Variants in SGCZ observed in about 807,000 individuals in gnomAD.
The protein encoded by SGCZ is sarcoglycan zeta, also known as zeta-sarcoglycan.
SGCZ carries 40 observed loss-of-function variants against 41.3 expected under a neutral mutation model. That is an observed-to-expected ratio of 0.97 (90% CI 0.75 to 1.26). The LOEUF (loss-of-function observed/expected upper bound fraction) is 1.26. Ranked by LOEUF, SGCZ falls within the 50% of genes most tolerant of loss-of-function variation. The pLI, the probability that SGCZ is intolerant of heterozygous loss-of-function variation, is 0.00. For missense variants in SGCZ, 552 were observed against 369.8 expected (o/e 1.49, Z -4.04); for synonymous variants, 206 against 137.5 (o/e 1.50, Z -3.49).
intron 5 of SGCZ, among the ~76,000 whole-genome samples, chr8:14,114,363 G>A (rs1462095417): frequency 1.3e-5 from 2 of 151,918 alleles, no homozygotes; most frequent in Admixed American, 6.6e-5. Context: ...CTGTTATTAT[G>A]AGCATAGCCA....
chr8:14,435,115 G>C (rs749529855), intron 2 of SGCZ, among the ~76,000 whole-genome samples: 1 of 152,094 alleles, frequency 6.6e-6, no homozygotes, highest in Non-Finnish European at 1.5e-5. Context: ...ATTAATAAAA[G>C]CGTGATATTT....
intron 1 of SGCZ, among the ~76,000 whole-genome samples, chr8:14,558,446 GTGCCT>G (rs1804099298): frequency 6.6e-6 from 1 of 151,938 alleles, no homozygotes; most frequent in Non-Finnish European, 1.5e-5. Flanking sequence ...GTGGTGGTGG[GTGCCT>G]ATAATCTTAG....
chr8:14,714,035 T>G (rs1326335848), intron 1 of SGCZ, among the ~76,000 whole-genome samples: 1 of 152,184 alleles, frequency 6.6e-6, no homozygotes, highest in Non-Finnish European at 1.5e-5. Context: ...TGGTGCGATC[T>G]CAGCTCACTA....
At position 14,088,535 on chromosome 8, in the gene SGCZ, C is replaced by T. The variant is rs1165433195; in HGVS notation, c.*1908G>A. 2.0e-5 allele frequency among the ~76,000 whole-genome samples: 3 copies of T among 151,648 alleles called. No individual in the cohort carries two copies. Among genetic ancestry groups the T allele is most frequent in the African/African-American group, 7.3e-5 (3 of 41,358 alleles). ...TTTTGCAAAGACCAATGTGAGATTT[C>T]TTATATTAAATTCTCTTATTTTAAT... On this transcript the variant is annotated 3_prime_UTR_variant, in exon 8 of 8. Transcript: ENST00000382080.
chr8:14,311,871 T>A (rs1339050842), intron 3 of SGCZ, among the ~76,000 whole-genome samples: 1 of 152,160 alleles, frequency 6.6e-6, no homozygotes, highest in Non-Finnish European at 1.5e-5. Context: ...TAAGAGGCAG[T>A]GTTGTATGAA....
intron 2 of SGCZ, among the ~76,000 whole-genome samples, chr8:14,362,284 G>A (rs982668657): frequency 3.9e-5 from 6 of 152,200 alleles, no homozygotes; most frequent in Admixed American, 3.3e-4. Context: ...GCCCCCGGAG[G>A]TGGAATCTAG....
At chr8:14,274,236 A>G (rs1005132418) in intron 3 of SGCZ, among the ~76,000 whole-genome samples, 1 of 152,168 alleles carries the variant, frequency 6.6e-6, no homozygotes, top group African/African-American at 2.4e-5. Context: ...AAAATAAAGC[A>G]TTGAACTTAA....
chr8:15,120,370 A>AT (rs1585584272), intron 1 of SGCZ, among the ~76,000 whole-genome samples: 1 of 152,170 alleles, frequency 6.6e-6, no homozygotes, highest in Non-Finnish European at 1.5e-5. Flanking sequence ...TACAGGTAGT[A>AT]TTTTCCCCCA....
chr8:15,018,555 G>A (rs554039667), intron 1 of SGCZ, among the ~76,000 whole-genome samples: 1 of 152,270 alleles, frequency 6.6e-6, no homozygotes, highest in East Asian at 1.9e-4. Context: ...GGGAAGAGCT[G>A]GTGCAAAGGC....
At chr8:14,539,850 C>A (rs1585060946) in intron 2 of SGCZ, among the ~76,000 whole-genome samples, 1 of 151,868 alleles carries the variant, frequency 6.6e-6, no homozygotes, top group East Asian at 1.9e-4. Context: ...CAGTTCCATA[C>A]CAGCCTGGAA....
chr8:14,105,882 G>C (rs1438699265), intron 6 of SGCZ, among the ~76,000 whole-genome samples: 1 of 151,778 alleles, frequency 6.6e-6, no homozygotes, highest in East Asian at 1.9e-4. Flanking sequence ...TGAGCATATA[G>C]TTACCAAAAC....
At chr8:14,972,990 T>C (rs1294996426) in intron 1 of SGCZ, among the ~76,000 whole-genome samples, 1 of 152,208 alleles carries the variant, frequency 6.6e-6, no homozygotes, top group African/African-American at 2.4e-5. Flanking sequence ...TCCTCCTTCT[T>C]TGTGTGCCTG....
intron 1 of SGCZ, among the ~76,000 whole-genome samples, chr8:15,120,154 A>T (rs10111663): frequency 6.6e-6 from 1 of 152,234 alleles, no homozygotes; most frequent in African/African-American, 2.4e-5. Context: ...CCCAATTTTT[A>T]TATTTTTCTA....
At chr8:14,253,667 T>C (rs900333005) in intron 3 of SGCZ, among the ~76,000 whole-genome samples, 7 of 152,144 alleles carry the variant, frequency 4.6e-5, no homozygotes, top group African/African-American at 7.2e-5. Context: ...CTCTGTGTTC[T>C]GAAATAAAAT....
At chr8:14,990,569 T>A (rs191134700) in intron 1 of SGCZ, among the ~76,000 whole-genome samples, 1 of 151,964 alleles carries the variant, frequency 6.6e-6, no homozygotes, top group Non-Finnish European at 1.5e-5. Flanking sequence ...CAATGCCCAA[T>A]GATTTGTCAC....
chr8:14,753,221 C>A (rs1222541233), intron 1 of SGCZ, among the ~76,000 whole-genome samples: 1 of 152,156 alleles, frequency 6.6e-6, no homozygotes, highest in Non-Finnish European at 1.5e-5. Flanking sequence ...GCTAAATTAA[C>A]ACACTTTTCT....
intron 2 of SGCZ, among the ~76,000 whole-genome samples, chr8:14,507,909 T>A (rs1331989433): frequency 6.6e-6 from 1 of 152,050 alleles, no homozygotes; most frequent in Non-Finnish European, 1.5e-5. Context: ...GTAGCTGGGA[T>A]TACAGGCATG....
intron 3 of SGCZ, among the ~76,000 whole-genome samples, chr8:14,264,582 A>T (rs1465978246): frequency 6.6e-6 from 1 of 152,206 alleles, no homozygotes; most frequent in Non-Finnish European, 1.5e-5. Context: ...TTAGAGCATT[A>T]TCTGGCGATG....
intron 5 of SGCZ, among the ~76,000 whole-genome samples, chr8:14,155,240 T>C (rs930230907): frequency 6.6e-6 from 1 of 152,220 alleles, no homozygotes; most frequent in African/African-American, 2.4e-5. Context: ...TTTCAGATTG[T>C]GCTAAATCTC....
Sources: allele counts gnomAD v4.1 joint callset (sites outside exome capture counted in the v4.1 genomes callset), GRCh38; gene constraint gnomAD v4.1.1; transcripts MANE v1.5; gene names NCBI Gene and HGNC (gene_info 2026-07-23, HGNC 2026-07-21).